Variants in EPB41L2 observed in about 807,000 individuals in gnomAD.
The protein encoded by EPB41L2 is band 4.1-like protein 2.
In EPB41L2, 43 loss-of-function variants were observed where a neutral mutation model predicts 113.0. The observed-to-expected ratio is 0.38, with a 90% CI of 0.30 to 0.49. EPB41L2 has a LOEUF of 0.49. EPB41L2 is among the 20% of genes least tolerant of loss of function. EPB41L2 has a pLI of 0.95. For synonymous variants in EPB41L2, 442 were observed against 436.7 expected (o/e 1.01, Z -0.15); for missense variants, 1,147 against 1,223.4 (o/e 0.94, Z 0.93).
At chr6:130,932,922 A>G (rs1583594911) in intron 3 of EPB41L2, among the ~76,000 whole-genome samples, 1 of 152,252 alleles carries the variant, frequency 6.6e-6, no homozygotes, top group Non-Finnish European at 1.5e-5. Flanking sequence ...CTACCAACCC[A>G]TAATGTTCAA....
intron 1 of EPB41L2, among the ~76,000 whole-genome samples, chr6:130,986,721 G>C (rs956832068): frequency 5.3e-5 from 8 of 152,086 alleles, no homozygotes; most frequent in African/African-American, 9.7e-5. Flanking sequence ...GAGTAGCTGA[G>C]ATTATAGGCA....
In EPB41L2 at chr6:130,888,917, C is replaced by T. The variant is rs1791909121; in HGVS notation, c.1660+1377G>A. On this transcript the variant is annotated intron_variant, in intron 11 of 19. Transcript: ENST00000337057. ...CAAAATCCCAACCAACAAATCCTGG[C>T]AAATATCTCTATGTGTCCACCTGCA... Among the ~76,000 whole-genome samples the T allele has an allele frequency of 2.6e-5, 4 of 152,156 alleles. No individual in the cohort carries two copies. The South Asian group carries it at 8.3e-4, about 32-fold the overall frequency.
At chr6:130,880,537 G>C (rs1213057693) in intron 12 of EPB41L2, 2 of 613,566 alleles carry the variant, frequency 3.3e-6, no homozygotes, top group Non-Finnish European at 5.8e-6. Context: ...AGTATTAGTG[G>C]AAACTCTACC....
At chr6:130,850,244 A>C (rs531787411) in intron 19 of EPB41L2, among the ~76,000 whole-genome samples, 2 of 152,316 alleles carry the variant, frequency 1.3e-5, no homozygotes, top group East Asian at 3.9e-4. Flanking sequence ...GTCTCAAAAA[A>C]ACAAAGACAA....
intron 16 of EPB41L2, among the ~76,000 whole-genome samples, chr6:130,867,200 G>C (rs1784057059): frequency 6.6e-6 from 1 of 152,164 alleles, no homozygotes; most frequent in South Asian, 2.1e-4. Flanking sequence ...TCAATCATAT[G>C]AACAAGATTG....
At chr6:130,854,535 G>A (rs1220449368) in intron 19 of EPB41L2, among the ~76,000 whole-genome samples, 1 of 152,108 alleles carries the variant, frequency 6.6e-6, no homozygotes, top group African/African-American at 2.4e-5. Flanking sequence ...GTGATACAAT[G>A]AATTCATTTA....
intron 1 of EPB41L2, among the ~76,000 whole-genome samples, chr6:131,049,027 G>A (rs978257051): frequency 2.0e-5 from 3 of 152,312 alleles, no homozygotes; most frequent in African/African-American, 7.2e-5. Context: ...TTCGATTTAA[G>A]CTTGCAGCAC....
chr6:130,846,976 T>G (rs533558848), intron 19 of EPB41L2, among the ~76,000 whole-genome samples: 1 of 152,348 alleles, frequency 6.6e-6, no homozygotes, highest in African/African-American at 2.4e-5. Flanking sequence ...GTATCTTGAT[T>G]TCTTTACAGG....
At chr6:131,004,155 G>A (rs1292097228) in intron 1 of EPB41L2, among the ~76,000 whole-genome samples, 1 of 152,052 alleles carries the variant, frequency 6.6e-6, no homozygotes, top group African/African-American at 2.4e-5. Context: ...TTCATGATAG[G>A]TTGTATTCCA....
At chr6:130,962,049 T>C (rs1773712187) in intron 1 of EPB41L2, among the ~76,000 whole-genome samples, 1 of 152,206 alleles carries the variant, frequency 6.6e-6, no homozygotes, top group South Asian at 2.1e-4. Context: ...ATCCTGCTGA[T>C]ACCCACAATC....
chr6:131,004,653 C>G (rs886620176), intron 1 of EPB41L2, among the ~76,000 whole-genome samples: 3 of 152,158 alleles, frequency 2.0e-5, no homozygotes, highest in Non-Finnish European at 4.4e-5. Context: ...AATCCTTACC[C>G]CCACCACTCC....
intron 12 of EPB41L2, chr6:130,883,188 A>T (rs1422494092): frequency 6.5e-6 from 1 of 152,678 alleles, no homozygotes; most frequent in Non-Finnish European, 1.5e-5. Flanking sequence ...GTGCAAACCC[A>T]TGATTGAATA....
intron 13 of EPB41L2, among the ~76,000 whole-genome samples, 154 bp downstream of exon 13, chr6:130,879,990 C>T (rs557628509): frequency 1.3e-5 from 2 of 152,166 alleles, no homozygotes; most frequent in Non-Finnish European, 1.5e-5. Context: ...AAAGGAACAC[C>T]GTCAGGCTGG....
At chr6:130,968,926 T>C (rs1387459898) in intron 1 of EPB41L2, among the ~76,000 whole-genome samples, 1 of 152,094 alleles carries the variant, frequency 6.6e-6, no homozygotes, top group Non-Finnish European at 1.5e-5. Flanking sequence ...TGGTAGAGAA[T>C]CATGCTGGAG....
At chr6:130,916,927 A>C (rs765798335) in intron 4 of EPB41L2, among the ~76,000 whole-genome samples, 1 of 152,150 alleles carries the variant, frequency 6.6e-6, no homozygotes. Flanking sequence ...GACATTTTTC[A>C]AGTCCTACTG....
intron 14 of EPB41L2, chr6:130,872,347 C>A: frequency 2.4e-6 from 3 of 1,264,740 alleles, no homozygotes; most frequent in South Asian, 2.6e-5. Context: ...CTTTTAGTAA[C>A]AGGGGAAACA....
chr6:131,037,050 C>T (rs1199915085), intron 1 of EPB41L2, among the ~76,000 whole-genome samples: 1 of 152,208 alleles, frequency 6.6e-6, no homozygotes, highest in East Asian at 1.9e-4. Context: ...ATTCACATTA[C>T]GATTAGCACT....
At chr6:130,870,215 G>A (rs1785210449) in intron 14 of EPB41L2, 89 bp from the exon 15 acceptor site, 1 of 1,530,382 alleles carries the variant, frequency 6.5e-7, no homozygotes, top group African/African-American at 1.4e-5. Context: ...GCAGATTCAT[G>A]TCATGGAGAA....
rs561032055 is a variant in EPB41L2 at position 130,928,037 on chromosome 6, G to GA, written c.706-1329dup. ...AAGCCTGGGAGGCTGAGGCTGCAGT[G>GA]AGCTGTGTTCACGCCACTGCAATCC... On this transcript the variant is annotated intron_variant, in intron 3 of 19. Transcript: ENST00000337057. Among the ~76,000 whole-genome samples the GA allele has an allele frequency of 2.1e-3, 326 of 152,268 alleles. 4 individuals are homozygous for GA. The South Asian group carries it at 0.034, about 16-fold the overall frequency.
Sources: gnomAD v4.1 joint callset for allele counts (sites outside exome capture counted in the v4.1 genomes callset) on GRCh38, gnomAD v4.1.1 for gene constraint, MANE v1.5 for transcripts, NCBI Gene and HGNC (gene_info 2026-07-23, HGNC 2026-07-21) for gene names.